The following SPATA13 variants were observed in gnomAD, a reference collection of about 807,000 sequenced individuals.
SPATA13 encodes spermatogenesis-associated protein 13.
A neutral mutation model predicts 104.0 loss-of-function variants in SPATA13; 50 were observed. The ratio of observed to expected loss-of-function variants is 0.48; its 90% confidence interval spans 0.38 to 0.61. The LOEUF (loss-of-function observed/expected upper bound fraction) is 0.61, where lower values mean the gene tolerates loss of function less well. SPATA13 is among the 20% of genes least tolerant of loss of function. The pLI, the probability that SPATA13 is intolerant of heterozygous loss-of-function variation, is 0.00. For missense variants in SPATA13, 1,524 were observed against 1,690.6 expected (o/e 0.90, Z 1.73); for synonymous variants, 606 against 667.5 (o/e 0.91, Z 1.42).
intron 1 of SPATA13, among the ~76,000 whole-genome samples, chr13:24,184,136 C>T (rs144716677): frequency 7.9e-5 from 12 of 152,254 alleles, no homozygotes; most frequent in Middle Eastern, 3.4e-3. Flanking sequence ...CATCTGTTGA[C>T]GACTGTGTCT....
intron 1 of SPATA13, among the ~76,000 whole-genome samples, chr13:24,221,749 G>A (rs1047225360): frequency 6.6e-6 from 1 of 151,970 alleles, no homozygotes; most frequent in Non-Finnish European, 1.5e-5. Flanking sequence ...GGTTGTCAGG[G>A]CACGTGGGAA....
intron 3 of SPATA13, among the ~76,000 whole-genome samples, chr13:24,102,397 A>T (rs540332279): frequency 6.6e-6 from 1 of 151,656 alleles, no homozygotes; most frequent in African/African-American, 2.4e-5. Flanking sequence ...CATCAAATAC[A>T]TGGTTTGCAA....
chr13:24,172,084 T>A (rs977163865), intron 1 of SPATA13, among the ~76,000 whole-genome samples: 1 of 152,196 alleles, frequency 6.6e-6, no homozygotes. Context: ...GGATCCCTCC[T>A]GCTTGTCCAT....
At chr13:24,302,495 A>G in intron 12 of SPATA13, 103 bp from the exon 13 acceptor site, 1 of 412,914 alleles carries the variant, frequency 2.4e-6, no homozygotes, top group Non-Finnish European at 4.6e-6. Context: ...AAAAAGAATT[A>G]GCTGAGAACT....
At chr13:24,116,188 G>A (rs1478219770) in intron 3 of SPATA13, among the ~76,000 whole-genome samples, 1 of 152,206 alleles carries the variant, frequency 6.6e-6, no homozygotes, top group African/African-American at 2.4e-5. Flanking sequence ...AGATCAAGGT[G>A]GCAGCAGGTT....
At chr13:24,241,961 G>T (rs1477738018) in intron 2 of SPATA13, among the ~76,000 whole-genome samples, 1 of 152,018 alleles carries the variant, frequency 6.6e-6, no homozygotes. Context: ...GCCAAGGTGG[G>T]AGGGTCACTT....
At chr13:24,037,542 G>A (rs1002101269) in intron 3 of SPATA13, among the ~76,000 whole-genome samples, 4 of 31,226 alleles carry the variant, frequency 1.3e-4, no homozygotes, top group African/African-American at 2.3e-4. Flanking sequence ...TGAGTAGCTG[G>A]GACTACAGGT....
chr13:24,241,457 G>A (rs76483291), intron 2 of SPATA13, among the ~76,000 whole-genome samples: 12 of 152,352 alleles, frequency 7.9e-5, no homozygotes, highest in Admixed American at 3.3e-4. Context: ...AGAGTGTTTT[G>A]CCATTTACTT....
At chr13:24,246,499 A>G (rs1002578763) in intron 2 of SPATA13, among the ~76,000 whole-genome samples, 2 of 152,204 alleles carry the variant, frequency 1.3e-5, no homozygotes, top group African/African-American at 4.8e-5. Context: ...AGCAAAAGAA[A>G]AGACATGTTT....
intron 3 of SPATA13, among the ~76,000 whole-genome samples, chr13:24,094,576 A>T (rs1880011443): frequency 6.6e-6 from 1 of 152,180 alleles, no homozygotes; most frequent in African/African-American, 2.4e-5. Context: ...AAATGTTTTT[A>T]AAAATGTTTT....
chr13:24,009,809 T>G (rs1876389148), intron 2 of SPATA13, among the ~76,000 whole-genome samples: 1 of 152,220 alleles, frequency 6.6e-6, no homozygotes, highest in Non-Finnish European at 1.5e-5. Flanking sequence ...GGTCGGCTTT[T>G]TTTGAATTCC....
At chr13:24,259,487 A>C (rs545487400) in intron 4 of SPATA13, among the ~76,000 whole-genome samples, 40 of 152,350 alleles carry the variant, frequency 2.6e-4, no homozygotes, top group Non-Finnish European at 5.4e-4. Flanking sequence ...TTCAAAGTAC[A>C]ATTGGGGATT....
chr13:24,211,300 A>C (rs1870997688), intron 1 of SPATA13, among the ~76,000 whole-genome samples: 1 of 152,144 alleles, frequency 6.6e-6, no homozygotes, highest in African/African-American at 2.4e-5. Flanking sequence ...GTTGAATGGA[A>C]GTGGTGAGAG....
intron 2 of SPATA13, among the ~76,000 whole-genome samples, chr13:23,998,370 C>T (rs566919359): frequency 1.3e-5 from 2 of 152,208 alleles, no homozygotes; most frequent in Admixed American, 6.5e-5. Context: ...CCATCTTTAT[C>T]TTCTTTCATG....
intron 2 of SPATA13, among the ~76,000 whole-genome samples, chr13:24,005,001 A>G (rs549572087): frequency 6.6e-6 from 1 of 152,338 alleles, no homozygotes; most frequent in South Asian, 2.1e-4. Flanking sequence ...ATGAATCTAC[A>G]TTCCCTTTTA....
chr13:23,988,588 C>T (rs568966415), intron 2 of SPATA13, among the ~76,000 whole-genome samples: 1 of 152,218 alleles, frequency 6.6e-6, no homozygotes, highest in Non-Finnish European at 1.5e-5. Flanking sequence ...GAATTTCCTT[C>T]TGTGGAGATT....
chr13:24,103,669 A>G (rs1004650434), intron 3 of SPATA13, among the ~76,000 whole-genome samples: 2 of 152,106 alleles, frequency 1.3e-5, no homozygotes, highest in African/African-American at 4.8e-5. Context: ...CACTAGATGT[A>G]TCTATATGTA....
intron 3 of SPATA13, among the ~76,000 whole-genome samples, chr13:24,039,169 C>T (rs900769044): frequency 2.0e-5 from 3 of 152,198 alleles, no homozygotes; most frequent in African/African-American, 4.8e-5. Flanking sequence ...ATGAATAAAA[C>T]GTTCATGGTG....
At chr13:24,009,542 G>A (rs145260920) in intron 2 of SPATA13, among the ~76,000 whole-genome samples, 12 of 152,272 alleles carry the variant, frequency 7.9e-5, no homozygotes, top group Non-Finnish European at 1.2e-4. Flanking sequence ...TGGAAAGATG[G>A]GACAACTTGA....
Sources: allele counts gnomAD v4.1 joint callset (sites outside exome capture counted in the v4.1 genomes callset), GRCh38; gene constraint gnomAD v4.1.1; transcripts MANE v1.5; gene names NCBI Gene and HGNC (gene_info 2026-07-23, HGNC 2026-07-21).